Variants in SLC1A2 observed in about 807,000 individuals in gnomAD.
SLC1A2 encodes solute carrier family 1 member 2, also known as excitatory amino acid transporter 2.
Under a neutral mutation model 48.8 loss-of-function variants are expected in SLC1A2, and 15 were observed. The ratio of observed to expected loss-of-function variants is 0.31; its 90% CI spans 0.21 to 0.47. The LOEUF is 0.47. Among genes scored for constraint, SLC1A2 ranks in the 20% least tolerant of loss-of-function variants. The pLI is 0.99. For synonymous variants in SLC1A2, 279 were observed against 272.6 expected (o/e 1.02, Z -0.23); for missense variants, 502 against 730.5 (o/e 0.69, Z 3.61).
chr11:35,376,766 A>T (rs1385109016), intron 1 of SLC1A2, among the ~76,000 whole-genome samples: 1 of 152,226 alleles, frequency 6.6e-6, no homozygotes, highest in Admixed American at 6.5e-5. Flanking sequence ...TGCTTCAGAA[A>T]AAAAAGCAAA....
At chr11:35,397,682 A>G (rs896557568) in intron 1 of SLC1A2, among the ~76,000 whole-genome samples, 4 of 152,140 alleles carry the variant, frequency 2.6e-5, no homozygotes, top group South Asian at 2.1e-4. Flanking sequence ...TAGGTCAGGC[A>G]GGTGGAGCCC....
At chr11:35,374,653 AG>A (rs893199686) in intron 1 of SLC1A2, among the ~76,000 whole-genome samples, 12 of 152,248 alleles carry the variant, frequency 7.9e-5, no homozygotes, top group Non-Finnish European at 1.6e-4. Context: ...TCTCATTCAA[AG>A]GGTTGGTTGG....
At chr11:35,275,168 G>A (rs1161509099) in intron 9 of SLC1A2, among the ~76,000 whole-genome samples, 4 of 152,210 alleles carry the variant, frequency 2.6e-5, no homozygotes, top group African/African-American at 9.6e-5. Context: ...CTGTTGGGAG[G>A]AGCTTCAGAG....
chr11:35,312,535 A>G (rs889624430), intron 3 of SLC1A2, 87 bp from the exon 4 acceptor site: 1 of 1,396,368 alleles, frequency 7.2e-7, no homozygotes, highest in South Asian at 1.3e-5. Flanking sequence ...TTAGCTTCAT[A>G]TTACTCAAAT....
chr11:35,284,543 TTGTGTGTG>T (rs34712517), intron 8 of SLC1A2, among the ~76,000 whole-genome samples: 2 of 150,050 alleles, frequency 1.3e-5, no homozygotes, highest in African/African-American at 2.4e-5. Context: ...TGTTTTCATA[TTGTGTGTG>T]TGTGTGTGTG....
intron 1 of SLC1A2, among the ~76,000 whole-genome samples, chr11:35,384,925 G>A (rs1393655509): frequency 6.6e-6 from 1 of 152,174 alleles, no homozygotes; most frequent in Non-Finnish European, 1.5e-5. Flanking sequence ...CTACACAATT[G>A]TGTACCCAAA....
At chr11:35,349,838 T>C (rs935705612) in intron 1 of SLC1A2, among the ~76,000 whole-genome samples, 1 of 152,144 alleles carries the variant, frequency 6.6e-6, no homozygotes, top group Non-Finnish European at 1.5e-5. Flanking sequence ...AGTTTAGTAA[T>C]TGAAAAGGCC....
At chr11:35,274,073 A>T (rs1416675987) in intron 9 of SLC1A2, among the ~76,000 whole-genome samples, 1 of 152,384 alleles carries the variant, frequency 6.6e-6, no homozygotes, top group Non-Finnish European at 1.5e-5. Context: ...AAGATTTTTT[A>T]GAAAAGGAGA....
intron 1 of SLC1A2, among the ~76,000 whole-genome samples, chr11:35,378,526 G>A (rs1476056431): frequency 6.6e-6 from 1 of 152,206 alleles, no homozygotes; most frequent in African/African-American, 2.4e-5. Flanking sequence ...TCAGCAATTT[G>A]TGTCTTTAGG....
rs183712090 is a variant in SLC1A2, at chr11:35,373,942, C to T, written c.17+45008G>A. On this transcript the variant is annotated intron_variant, in intron 1 of 10. Transcript: ENST00000278379. The stretch of plus-strand genomic sequence containing the variant: ...CATGTAGTACCTAAGAACGTCGGCT[C>T]CAAAGCCAGGTTGAGTTTGAATGCT... 2.3e-4 allele frequency among the ~76,000 whole-genome samples: 35 copies of T among 152,348 alleles called. No individual in the cohort carries two copies. The East Asian group carries it at 6.2e-3, about 27-fold the overall frequency.
At chr11:35,282,618 G>A (rs1177419959) in intron 8 of SLC1A2, among the ~76,000 whole-genome samples, 1 of 152,138 alleles carries the variant, frequency 6.6e-6, no homozygotes, top group East Asian at 1.9e-4. Flanking sequence ...TGGAAGATGG[G>A]AATTCTCAAC....
In SLC1A2 at chr11:35,255,137, G is replaced by A. The variant is rs186332315; in HGVS notation, c.*5757C>T. 1 of 255,752 alleles carries A rather than the reference G, an allele frequency of 3.9e-6. No homozygotes were observed. The highest frequency in any genetic ancestry group is 2.3e-5 in the African/African-American group (1 of 43,842). The allele number at this position is 255,752 out of a possible 1,614,324, so 15.8% of individuals were successfully genotyped here. A position where few individuals can be genotyped will look rare whatever the true frequency, so the allele number is the denominator to read the frequency against. On this transcript the variant is annotated 3_prime_UTR_variant, in exon 11 of 11. Coordinates refer to ENST00000278379, the MANE Select transcript of SLC1A2 (RefSeq NM_004171.4). ...AACCTGAAGAGCTGAAGTCTTCTCT[G>A]ACAACAAAGGAGTTCACAACACAAC...
At chr11:35,273,255 G>A (rs1850334867) in intron 9 of SLC1A2, among the ~76,000 whole-genome samples, 1 of 152,184 alleles carries the variant, frequency 6.6e-6, no homozygotes, top group Non-Finnish European at 1.5e-5. Flanking sequence ...CAAACCCGAG[G>A]AAGGCTGGCA....
intron 1 of SLC1A2, among the ~76,000 whole-genome samples, chr11:35,356,411 C>G (rs1460874501): frequency 6.6e-6 from 1 of 152,200 alleles, no homozygotes; most frequent in Non-Finnish European, 1.5e-5. Flanking sequence ...TGTTCCTGGG[C>G]ACCTCTGGCC....
chr11:35,324,663 A>G (rs1167332410), intron 1 of SLC1A2, among the ~76,000 whole-genome samples: 1 of 152,118 alleles, frequency 6.6e-6, no homozygotes, highest in African/African-American at 2.4e-5. Context: ...GAGGGTCCAG[A>G]GTGGGTGGGG....
At chr11:35,412,920 G>A (rs1014560298) in intron 1 of SLC1A2, among the ~76,000 whole-genome samples, 3 of 151,030 alleles carry the variant, frequency 2.0e-5, no homozygotes, top group Admixed American at 1.3e-4. Context: ...AATTACAAAA[G>A]ACCTCTCCAT....
intron 1 of SLC1A2, among the ~76,000 whole-genome samples, chr11:35,362,156 C>T (rs563977644): frequency 1.3e-5 from 2 of 152,184 alleles, no homozygotes; most frequent in African/African-American, 4.8e-5. Flanking sequence ...CTACCCCAGA[C>T]AGCAGATGCC....
chr11:35,350,910 C>A (rs771508003), intron 1 of SLC1A2, among the ~76,000 whole-genome samples: 9 of 152,156 alleles, frequency 5.9e-5, no homozygotes, highest in Non-Finnish European at 1.0e-4. Flanking sequence ...TTTAAATACA[C>A]CTTCTCTCTG....
rs116605634 is a variant in SLC1A2, at chr11:35,334,670, G to T, written c.18-17154C>A. On this transcript the variant is annotated intron_variant, in intron 1 of 10. Transcript: ENST00000278379. The stretch of plus-strand genomic sequence containing the variant: ...CTTATTATCAGTAGCCCCAAGATTA[G>T]AACTCTCTAGAGCAATGACTAGAGA... Among the ~76,000 whole-genome samples, 267 of 151,272 alleles carry T rather than the reference G, an allele frequency of 1.8e-3. 2 individuals carry two copies. Among genetic ancestry groups the T allele is most frequent in the African/African-American group, 6.4e-3 (265 of 41,458 alleles).
Sources: allele counts gnomAD v4.1 joint callset (sites outside exome capture counted in the v4.1 genomes callset), GRCh38; gene constraint gnomAD v4.1.1; transcripts MANE v1.5; gene names NCBI Gene and HGNC (gene_info 2026-07-23, HGNC 2026-07-21).